The following ADORA2B variants were observed in gnomAD, a reference collection of about 807,000 sequenced individuals.
The protein encoded by ADORA2B is adenosine A2b receptor.
ADORA2B carries 18 observed loss-of-function variants against 20.8 expected under a neutral mutation model. That is an observed-to-expected ratio of 0.87 (90% CI 0.60 to 1.29). The LOEUF is 1.29. Ranked by LOEUF, ADORA2B falls within the 50% of genes most tolerant of loss-of-function variation. The pLI is 0.00. For synonymous variants in ADORA2B, 179 were observed against 178.3 expected, an observed-to-expected ratio of 1.00 and a Z score of -0.03; for missense variants, 441 against 422.7, an observed-to-expected ratio of 1.04 and a Z score of -0.38.
intron 1 of ADORA2B, among the ~76,000 whole-genome samples, chr17:15,963,313 A>G (rs1231416829): frequency 6.6e-6 from 1 of 152,220 alleles, no homozygotes; most frequent in Non-Finnish European, 1.5e-5. Context: ...CCAAACACGT[A>G]CCACAAGATA....
At chr17:15,866,948 C>G in the ADORA2B span, among the ~76,000 whole-genome samples, 1 of 152,276 alleles carries the variant, frequency 6.6e-6, no homozygotes, top group Non-Finnish European at 1.5e-5. Flanking sequence ...CCACGCCTGA[C>G]TGGTTTTCGT....
chr17:15,873,879 A>G, the ADORA2B span, among the ~76,000 whole-genome samples: 6 of 152,114 alleles, frequency 3.9e-5, no homozygotes, highest in Non-Finnish European at 8.8e-5. Context: ...TTAATTCAAC[A>G]ATCCTACTAC....
chr17:15,956,226 A>G (rs1410256800), intron 1 of ADORA2B, among the ~76,000 whole-genome samples: 1 of 152,224 alleles, frequency 6.6e-6, no homozygotes, highest in Non-Finnish European at 1.5e-5. Flanking sequence ...TTAGATTCAC[A>G]TGGTTGAGAT....
chr17:15,851,087 T>C, the ADORA2B span, among the ~76,000 whole-genome samples: 1 of 152,134 alleles, frequency 6.6e-6, no homozygotes, highest in African/African-American at 2.4e-5. Flanking sequence ...CTTCTACTGA[T>C]AGATTTTAGG....
intron 1 of ADORA2B, among the ~76,000 whole-genome samples, chr17:15,971,338 G>A (rs577723765): frequency 8.5e-5 from 13 of 152,244 alleles, no homozygotes; most frequent in Non-Finnish European, 1.9e-4. Context: ...CCTGAATGAG[G>A]TGGGAAACAG....
At chr17:15,892,049 C>T in the ADORA2B span, among the ~76,000 whole-genome samples, 10 of 146,490 alleles carry the variant, frequency 6.8e-5, no homozygotes, top group African/African-American at 2.3e-4. Flanking sequence ...TTAGTAGAGA[C>T]GAGGTTTCCC....
chr17:15,878,184 T>TACACACAC, the ADORA2B span, among the ~76,000 whole-genome samples: 55 of 143,910 alleles, frequency 3.8e-4, no homozygotes, highest in South Asian at 7.1e-4. Flanking sequence ...TGTGTGTGTA[T>TACACACAC]ACACACACAC....
chr17:15,944,610 G>T (rs935654389), upstream of ADORA2B, among the ~76,000 whole-genome samples: 4 of 150,424 alleles, frequency 2.7e-5, no homozygotes, highest in Non-Finnish European at 4.4e-5. The surrounding 1 kb of genome is among the most constrained non-coding windows in gnomAD (Gnocchi z 4.8). Context: ...GTCCGGCCCC[G>T]CAGCCTGGAG....
At chr17:15,929,336 T>C in the ADORA2B span, among the ~76,000 whole-genome samples, 32 of 152,330 alleles carry the variant, frequency 2.1e-4, no homozygotes, top group African/African-American at 7.7e-4. Flanking sequence ...AGGAGCACTT[T>C]CTGGAGTCAG....
chr17:15,923,573 T>G, the ADORA2B span, among the ~76,000 whole-genome samples: 2 of 150,630 alleles, frequency 1.3e-5, no homozygotes, highest in Non-Finnish European at 3.0e-5. Context: ...CCCGACTAAT[T>G]TTTTTTGTAT....
intron 1 of ADORA2B, among the ~76,000 whole-genome samples, chr17:15,969,209 G>A (rs1044271520): frequency 9.9e-5 from 15 of 152,158 alleles, no homozygotes; most frequent in Non-Finnish European, 2.1e-4. Flanking sequence ...CCAGCACTGT[G>A]GGAGGCTGAG....
intron 1 of ADORA2B, among the ~76,000 whole-genome samples, chr17:15,959,645 C>T (rs192594368): frequency 7.2e-5 from 11 of 152,104 alleles, no homozygotes; most frequent in Non-Finnish European, 2.9e-5. Flanking sequence ...GGATTATAGG[C>T]GCACGCCACC....
the ADORA2B span, among the ~76,000 whole-genome samples, chr17:15,912,778 G>A: frequency 2.6e-5 from 4 of 152,184 alleles, no homozygotes; most frequent in Admixed American, 1.3e-4. Flanking sequence ...CACTTGGGAC[G>A]ATCTCTTCCG....
At chr17:15,867,278 G>A in the ADORA2B span, among the ~76,000 whole-genome samples, 1 of 151,940 alleles carries the variant, frequency 6.6e-6, no homozygotes, top group South Asian at 2.1e-4. Context: ...TCTCTGCCTG[G>A]CTGCCCAGTC....
chr17:15,964,976 C>T (rs1390274459), intron 1 of ADORA2B, among the ~76,000 whole-genome samples: 5 of 152,154 alleles, frequency 3.3e-5, no homozygotes, highest in African/African-American at 4.8e-5. Flanking sequence ...AGGAGAATGG[C>T]GTGAACCCGG....
chr17:15,872,691 T>C, the ADORA2B span, among the ~76,000 whole-genome samples: 1 of 152,220 alleles, frequency 6.6e-6, no homozygotes, highest in African/African-American at 2.4e-5. Context: ...GAGTTCTTGA[T>C]TGATTCTCAG....
chr17:15,960,120 T>C (rs1006199835), intron 1 of ADORA2B, among the ~76,000 whole-genome samples: 2 of 151,856 alleles, frequency 1.3e-5, no homozygotes, highest in East Asian at 2.0e-4. Context: ...TTAAGAAAAT[T>C]AGTCAAATGT....
rs757312723 is a variant in ADORA2B, at chr17:15,975,255, T to C, written c.912T>C (p.Ile304=). Residue 304 remains isoleucine, a synonymous_variant, in exon 2 of 2, where the codon ATT becomes ATC. Coordinates refer to ENST00000304222, the MANE Select transcript of ADORA2B (RefSeq NM_000676.4). ...ACTTCCGCTACACTTTTCACAAAATTATCTCCAGGTATCTTCTCTGCCAAG... is the reference window on the plus strand; with the variant it reads ...ACTTCCGCTACACTTTTCACAAAATCATCTCCAGGTATCTTCTCTGCCAAG... ...NRDFRYTFHK[I]ISRYLLCQAD... The C allele has an allele frequency of 2.5e-6, 4 of 1,613,704 alleles. No homozygotes were observed. In the East Asian group the frequency reaches 8.9e-5, roughly 36 times the overall value.
At chr17:15,875,470 TGTGA>T in the ADORA2B span, among the ~76,000 whole-genome samples, 1 of 152,256 alleles carries the variant, frequency 6.6e-6, no homozygotes, top group Non-Finnish European at 1.5e-5. Flanking sequence ...ATTAAGATGC[TGTGA>T]GTGTCATTCA....
Sources: gnomAD v4.1 joint callset for allele counts (sites outside exome capture counted in the v4.1 genomes callset) on GRCh38, gnomAD v4.1.1 for gene constraint, Gnocchi (gnomAD v3.1) non-coding constraint, MANE v1.5 for transcripts, NCBI Gene and HGNC (gene_info 2026-07-23, HGNC 2026-07-21) for gene names.